Variants in CCNY observed in about 807,000 individuals in gnomAD.
The protein encoded by CCNY is cyclin Y.
Under a neutral mutation model 42.8 loss-of-function variants are expected in CCNY, and 19 were observed. That is an observed-to-expected ratio of 0.44 (90% CI 0.31 to 0.65). The LOEUF (loss-of-function observed/expected upper bound fraction) is 0.65. CCNY is among the 30% of genes least tolerant of loss of function. The pLI, the probability that CCNY is intolerant of heterozygous loss-of-function variation, is 0.07. For missense variants in CCNY, 370 were observed against 437.3 expected, an observed-to-expected ratio of 0.85 and a Z score of 1.37; for synonymous variants, 165 against 162.7, an observed-to-expected ratio of 1.01 and a Z score of -0.11.
At chr10:35,465,728 C>T (rs553700546) in intron 1 of CCNY, among the ~76,000 whole-genome samples, 15 of 152,212 alleles carry the variant, frequency 9.9e-5, no homozygotes, top group African/African-American at 3.1e-4. Flanking sequence ...CTGAGATGCA[C>T]CTCCTCTGAG....
At chr10:35,382,969 T>C (rs748083071) in intron 1 of CCNY, among the ~76,000 whole-genome samples, 1 of 152,206 alleles carries the variant, frequency 6.6e-6, no homozygotes, top group Non-Finnish European at 1.5e-5. Context: ...CCCTTAGTAC[T>C]ACACAGCTGA....
intron 2 of CCNY, among the ~76,000 whole-genome samples, chr10:35,501,048 A>G (rs561539876): frequency 6.6e-6 from 1 of 152,302 alleles, no homozygotes; most frequent in African/African-American, 2.4e-5. Context: ...GCTGATGTAC[A>G]TCGTCTTCCT....
intron 1 of CCNY, among the ~76,000 whole-genome samples, chr10:35,465,857 T>TC (rs1331794495): frequency 6.6e-6 from 1 of 150,546 alleles, no homozygotes; most frequent in Non-Finnish European, 1.5e-5. Flanking sequence ...GTATGTGTGA[T>TC]CCTTACTGCA....
chr10:35,332,534 ATT>A (rs1490161776), upstream of CCNY: 1 of 152,176 alleles, frequency 6.6e-6, no homozygotes, highest in Non-Finnish European at 1.5e-5. Flanking sequence ...TCCACAGAAA[ATT>A]TTGTTTTTTC....
chr10:35,518,990 G>C, intron 4 of CCNY, among the ~76,000 whole-genome samples: 1 of 150,042 alleles, frequency 6.7e-6, no homozygotes. Flanking sequence ...GATTGAATCT[G>C]GCTGAGGCAT....
intron 1 of CCNY, among the ~76,000 whole-genome samples, chr10:35,367,458 A>G (rs1836833745): frequency 6.6e-6 from 1 of 152,238 alleles, no homozygotes; most frequent in Admixed American, 6.5e-5. Flanking sequence ...AATGTGCTCA[A>G]TAGATATTAG....
At chr10:35,343,568 T>C (rs1836234467) in intron 1 of CCNY, among the ~76,000 whole-genome samples, 1 of 151,908 alleles carries the variant, frequency 6.6e-6, no homozygotes, top group Non-Finnish European at 1.5e-5. Flanking sequence ...TTTTGTACTT[T>C]TAGTAGAGAC....
At chr10:35,488,294 G>T (rs892197167) in intron 2 of CCNY, among the ~76,000 whole-genome samples, 11 of 152,202 alleles carry the variant, frequency 7.2e-5, no homozygotes, top group Non-Finnish European at 1.0e-4. Context: ...CCTCATTGGG[G>T]TCGTGTTTTG....
At chr10:35,458,309 C>G (rs1839081960) in intron 1 of CCNY, among the ~76,000 whole-genome samples, 1 of 152,196 alleles carries the variant, frequency 6.6e-6, no homozygotes, top group Non-Finnish European at 1.5e-5. Flanking sequence ...GAGAGAATCT[C>G]AGCTTTCTCC....
intron 2 of CCNY, among the ~76,000 whole-genome samples, chr10:35,492,122 A>G (rs1412837382): frequency 4.6e-5 from 7 of 151,944 alleles, no homozygotes; most frequent in East Asian, 1.9e-4. Context: ...TCCTCTCTCA[A>G]ACCTTTCTTC....
At chr10:35,492,998 G>A (rs185315722) in intron 2 of CCNY, among the ~76,000 whole-genome samples, 1,651 of 152,062 alleles carry the variant, frequency 0.011, 35 homozygotes, top group African/African-American at 0.034. Flanking sequence ...GTGCATGGGG[G>A]GGGGAGGGCA....
At chr10:35,421,507 T>TC (rs1345430338) in intron 1 of CCNY, among the ~76,000 whole-genome samples, 1 of 152,214 alleles carries the variant, frequency 6.6e-6, no homozygotes, top group African/African-American at 2.4e-5. Context: ...TGGTCTGCCT[T>TC]CATTTTCTCA....
intron 1 of CCNY, among the ~76,000 whole-genome samples, chr10:35,355,065 A>G (rs1366901442): frequency 6.6e-6 from 1 of 152,178 alleles, no homozygotes; most frequent in Non-Finnish European, 1.5e-5. Context: ...CCTTTGCCCC[A>G]CTAGTGGGAT....
At chr10:35,524,086 A>G (rs1482953834) in intron 4 of CCNY, among the ~76,000 whole-genome samples, 1 of 152,248 alleles carries the variant, frequency 6.6e-6, no homozygotes, top group African/African-American at 2.4e-5. Flanking sequence ...CCCAGAGGCT[A>G]CATGGTCAAA....
chr10:35,526,661 C>A (rs2135419434), intron 5 of CCNY, among the ~76,000 whole-genome samples: 1 of 144,924 alleles, frequency 6.9e-6, no homozygotes, highest in East Asian at 2.1e-4. Flanking sequence ...TTAATGCATC[C>A]TTTCCAAGTT....
intron 8 of CCNY, among the ~76,000 whole-genome samples, chr10:35,553,803 A>G (rs897474557): frequency 6.6e-6 from 1 of 152,026 alleles, no homozygotes; most frequent in Non-Finnish European, 1.5e-5. Context: ...GGGCAGTGTC[A>G]GGGTTTCTCA....
At chr10:35,524,355 CAT>C (rs1207621427) in intron 4 of CCNY, among the ~76,000 whole-genome samples, 1 of 152,236 alleles carries the variant, frequency 6.6e-6, no homozygotes, top group Non-Finnish European at 1.5e-5. Context: ...CTTATTTGCT[CAT>C]GAGTACTTTC....
intron 3 of CCNY, among the ~76,000 whole-genome samples, chr10:35,503,803 A>G (rs1315657140): frequency 2.6e-5 from 4 of 152,228 alleles, no homozygotes; most frequent in Non-Finnish European, 5.9e-5. Context: ...GTTGAGTCCC[A>G]GGTGGTCTGC....
chr10:35,301,318 G>A (rs886510133), intron 3 of CCNY, among the ~76,000 whole-genome samples: 3 of 152,126 alleles, frequency 2.0e-5, no homozygotes, highest in Admixed American at 6.6e-5. Flanking sequence ...TTTGAATATG[G>A]GTTGAAATGT....
Sources: allele counts gnomAD v4.1 joint callset (sites outside exome capture counted in the v4.1 genomes callset), GRCh38; gene constraint gnomAD v4.1.1; transcripts MANE v1.5; gene names NCBI Gene and HGNC (gene_info 2026-07-23, HGNC 2026-07-21).